Variants in WSB2 observed in about 807,000 individuals in gnomAD.
The protein encoded by WSB2 is WD repeat and SOCS box containing 2.
In WSB2, 12 loss-of-function variants were observed where a neutral mutation model predicts 48.8. That is an observed-to-expected ratio of 0.25 (90% CI 0.16 to 0.40). The LOEUF (loss-of-function observed/expected upper bound fraction) is 0.40. Ranked by LOEUF, WSB2 falls within the 10% of genes least tolerant of loss-of-function variation. WSB2 has a pLI of 1.00. For synonymous variants in WSB2, 191 were observed against 203.1 expected (o/e 0.94, Z 0.51); for missense variants, 317 against 506.2 (o/e 0.63, Z 3.59).
Position 118,033,931 on chromosome 12 carries a change from CT to C in WSB2, c.*264del. ...CAAAACAAGCAGAAAGAGTTCAACACTTGCTGTTCATAACTGGACTGAAAAT... is the reference window on the plus strand; with the variant it reads ...CAAAACAAGCAGAAAGAGTTCAACACTGCTGTTCATAACTGGACTGAAAAT... On this transcript the variant is annotated 3_prime_UTR_variant, in exon 9 of 9. Transcript: ENST00000315436. The C allele has an allele frequency of 2.2e-6, 1 of 453,220 alleles. No individual in the cohort carries two copies. The highest frequency in any genetic ancestry group is 4.0e-6 in the Non-Finnish European group (1 of 249,208). The allele number at this position is 453,220 out of a possible 1,614,324, so 28.1% of individuals were successfully genotyped here.
At chr12:118,042,431 T>G (rs1293304479) in intron 4 of WSB2, 1 of 179,530 alleles carries the variant, frequency 5.6e-6, no homozygotes, top group Non-Finnish European at 1.2e-5. Flanking sequence ...GCCCAAAATA[T>G]CCATAGTGCC....
In WSB2 at chr12:118,060,233, C is replaced by G. The variant is rs536423001; in HGVS notation, c.13+803G>C. Among the ~76,000 whole-genome samples, 29 of 152,270 alleles carry G rather than the reference C, an allele frequency of 1.9e-4. 1 individual carries two copies. In the South Asian group the frequency reaches 4.6e-3, roughly 24 times the overall value. ...CCCCTTGCATAAGAGACACACCTTTCCCACTGAGATTTTATGTTCATCTGG... is the reference window on the plus strand; with the variant it reads ...CCCCTTGCATAAGAGACACACCTTTGCCACTGAGATTTTATGTTCATCTGG... On this transcript the variant is annotated intron_variant, in intron 1 of 8. Coordinates refer to ENST00000315436, the MANE Select transcript of WSB2 (RefSeq NM_018639.5). This position sits in a 1 kb window ranked among gnomAD's most constrained non-coding sequence, Gnocchi z 4.1.
At chr12:118,045,515 T>C (rs1416932434) in intron 2 of WSB2, among the ~76,000 whole-genome samples, 2 of 151,894 alleles carry the variant, frequency 1.3e-5, no homozygotes, top group African/African-American at 4.8e-5. Context: ...CTGACCAATA[T>C]GGTGAAACCC....
chr12:118,048,897 C>T (rs948573781), intron 2 of WSB2, among the ~76,000 whole-genome samples: 3 of 152,170 alleles, frequency 2.0e-5, no homozygotes, highest in African/African-American at 4.8e-5. Context: ...ACACATGCTC[C>T]ACACTAGACC....
Position 118,060,148 on chromosome 12 carries a change from C to T in WSB2, c.13+888G>A, listed in dbSNP as rs897003429. On this transcript the variant is annotated intron_variant, in intron 1 of 8. Transcript: ENST00000315436. This position sits in a 1 kb window ranked among gnomAD's most constrained non-coding sequence, Gnocchi z 4.1. ...TTCTAAATCTATCCCAAGTGGGGTTCCGAGGGAAGGTCGTTGGAGGGGAGA... is the reference window on the plus strand; with the variant it reads ...TTCTAAATCTATCCCAAGTGGGGTTTCGAGGGAAGGTCGTTGGAGGGGAGA... Among the ~76,000 whole-genome samples the T allele has an allele frequency of 2.0e-5, 3 of 152,124 alleles. No homozygotes were observed. Among genetic ancestry groups the T allele is most frequent in the African/African-American group, 7.2e-5 (3 of 41,426 alleles).
At chr12:118,043,962 A>G (rs1399775732) in intron 2 of WSB2, among the ~76,000 whole-genome samples, 1 of 152,000 alleles carries the variant, frequency 6.6e-6, no homozygotes, top group African/African-American at 2.4e-5. Context: ...ACTAAAAAAA[A>G]AAAACAATTC....
At chr12:118,039,735 TTC>T (rs1473627992) in intron 4 of WSB2, among the ~76,000 whole-genome samples, 1 of 152,006 alleles carries the variant, frequency 6.6e-6, no homozygotes, top group East Asian at 1.9e-4. Context: ...AAATTAATAT[TTC>T]TTTTTTATTT....
chr12:118,061,968 A>C, upstream of WSB2: 1 of 833,834 alleles, frequency 1.2e-6, no homozygotes, highest in Non-Finnish European at 1.8e-6. Flanking sequence ...TGGCTCCGGT[A>C]ATGGGAGAGG....
intron 2 of WSB2, among the ~76,000 whole-genome samples, chr12:118,046,305 A>G (rs2031744301): frequency 6.6e-6 from 1 of 152,052 alleles, no homozygotes; most frequent in South Asian, 2.1e-4. Flanking sequence ...TACTAAAAAT[A>G]CAAAAAAACT....
intron 1 of WSB2, among the ~76,000 whole-genome samples, chr12:118,059,549 T>C (rs1001621026): frequency 2.6e-5 from 4 of 152,338 alleles, no homozygotes; most frequent in Middle Eastern, 6.8e-3. Context: ...TCTGGCCTTT[T>C]TTGTACAGTA....
intron 2 of WSB2, among the ~76,000 whole-genome samples, chr12:118,048,361 G>A (rs1207946946): frequency 6.6e-6 from 1 of 152,066 alleles, no homozygotes. Context: ...GCCAAGGCAG[G>A]TAGATCCCTT....
In WSB2 at chr12:118,060,417, A is replaced by C. The variant is rs1478767777; in HGVS notation, c.13+619T>G. Among the ~76,000 whole-genome samples, 1 of 151,822 alleles carries C rather than the reference A, an allele frequency of 6.6e-6. No individual in the cohort carries two copies. Among genetic ancestry groups the C allele is most frequent in the Non-Finnish European group, 1.5e-5 (1 of 67,934 alleles). On this transcript the variant is annotated intron_variant, in intron 1 of 8. Transcript: ENST00000315436. The surrounding 1 kb of genome is among the most constrained non-coding windows in gnomAD (Gnocchi z 4.1). ...GGATCAGCGTCTCCAGTCCCGCCCC[A>C]CCTCCACTGACTTAATCTCCAGTGG...
At chr12:118,057,201 G>A (rs1030253787) in intron 1 of WSB2, among the ~76,000 whole-genome samples, 4 of 151,888 alleles carry the variant, frequency 2.6e-5, no homozygotes, top group Non-Finnish European at 5.9e-5. Context: ...CTGGGGGTGG[G>A]GTATCTAGCT....
upstream of WSB2, chr12:118,062,008 G>A: frequency 1.6e-6 from 2 of 1,257,406 alleles, no homozygotes; most frequent in Non-Finnish European, 2.2e-6. Context: ...GCGGTGGGGA[G>A]AGGAGGGCAG....
Position 118,034,116 on chromosome 12 carries a change from A to ATGTT in WSB2, c.*76_*79dup. The ATGTT allele has an allele frequency of 2.6e-6, 4 of 1,558,434 alleles. No homozygotes were observed. Among genetic ancestry groups the ATGTT allele is most frequent in the Non-Finnish European group, 2.6e-6 (3 of 1,135,516 alleles). Reference sequence around the variant, plus strand: ...AAATGCTATTTCAATGCAAGACCAGATGTTTGGCCCATTATTCCAGCAACT... The same window carrying ATGTT: ...AAATGCTATTTCAATGCAAGACCAGATGTTTGTTTGGCCCATTATTCCAGCAACT... On this transcript the variant is annotated 3_prime_UTR_variant, in exon 9 of 9. Coordinates refer to ENST00000315436, the MANE Select transcript of WSB2 (RefSeq NM_018639.5).
intron 5 of WSB2, among the ~76,000 whole-genome samples, chr12:118,037,404 C>G (rs374117858): frequency 1.3e-5 from 2 of 151,970 alleles, no homozygotes; most frequent in Non-Finnish European, 2.9e-5. Flanking sequence ...CGGTGGCTCA[C>G]GCCTGCAATC....
chr12:118,040,581 C>T (rs183875808), intron 4 of WSB2, among the ~76,000 whole-genome samples: 313 of 150,200 alleles, frequency 2.1e-3, no homozygotes, highest in Middle Eastern at 3.4e-3. Flanking sequence ...ACCTTCATGG[C>T]AAAACCCCGT....
At chr12:118,038,754 C>T (rs908492830) in intron 4 of WSB2, among the ~76,000 whole-genome samples, 1 of 152,116 alleles carries the variant, frequency 6.6e-6, no homozygotes, top group African/African-American at 2.4e-5. Flanking sequence ...GATCTCAGCT[C>T]ACTGCAACCT....
chr12:118,045,323 C>G (rs1044227966), intron 2 of WSB2, among the ~76,000 whole-genome samples: 1 of 149,920 alleles, frequency 6.7e-6, no homozygotes, highest in African/African-American at 2.5e-5. Context: ...TGAGATCGCA[C>G]CACTGCACTC....
Sources: allele counts gnomAD v4.1 joint callset (sites outside exome capture counted in the v4.1 genomes callset), GRCh38; gene constraint gnomAD v4.1.1; non-coding constraint Gnocchi (gnomAD v3.1); transcripts MANE v1.5; gene names NCBI Gene and HGNC (gene_info 2026-07-23, HGNC 2026-07-21).